Variants in ACVR2A observed in about 807,000 individuals in gnomAD.
ACVR2A encodes the protein activin A receptor type 2A.
A neutral mutation model predicts 61.4 loss-of-function variants in ACVR2A; 7 were observed. The ratio of observed to expected loss-of-function variants is 0.11; its 90% CI spans 0.06 to 0.21. The LOEUF (loss-of-function observed/expected upper bound fraction) is 0.21, where lower values mean the gene tolerates loss of function less well. Ranked by LOEUF, ACVR2A falls within the 10% of genes least tolerant of loss-of-function variation. ACVR2A has a pLI of 1.00. For missense variants in ACVR2A, 322 were observed against 621.7 expected (o/e 0.52, Z 5.13); for synonymous variants, 193 against 208.3 (o/e 0.93, Z 0.63).
At chr2:147,895,491 T>C (rs2105189102) in intron 1 of ACVR2A, among the ~76,000 whole-genome samples, 1 of 152,230 alleles carries the variant, frequency 6.6e-6, no homozygotes, top group Non-Finnish European at 1.5e-5. Flanking sequence ...GAATAACACC[T>C]TGGGACCCAT....
chr2:147,915,621 A>G (rs1687230373), intron 5 of ACVR2A, among the ~76,000 whole-genome samples: 1 of 151,958 alleles, frequency 6.6e-6, no homozygotes, highest in Non-Finnish European at 1.5e-5. Context: ...ATTCCAATAA[A>G]CAAGTCTAAT....
At chr2:147,891,185 T>C (rs757150813) in intron 1 of ACVR2A, among the ~76,000 whole-genome samples, 1 of 152,200 alleles carries the variant, frequency 6.6e-6, no homozygotes, top group Non-Finnish European at 1.5e-5. Flanking sequence ...TAACGCTGAT[T>C]GGAATTGACT....
rs1553447750 is a variant in ACVR2A at position 147,929,916 on chromosome 2, G to GT, written c.*2643dup. ...CTCTTTACCTTGCCCAGATCTCCGC[G>GT]TAAGGAATGCTTTATGATCAACTTG... On this transcript the variant is annotated 3_prime_UTR_variant, in exon 11 of 11. Coordinates refer to ENST00000241416, the MANE Select transcript of ACVR2A (RefSeq NM_001616.5). The GT allele has an allele frequency of 2.6e-5, 4 of 152,400 alleles. No individual in the cohort carries two copies. The highest frequency in any genetic ancestry group is 1.5e-5 in the Non-Finnish European group (1 of 68,014). The allele number at this position is 152,400 out of a possible 1,614,324, so 9.4% of individuals were successfully genotyped here. A position where few individuals can be genotyped will look rare whatever the true frequency, so the allele number is the denominator to read the frequency against.
At chr2:147,873,452 C>G (rs537012709) in intron 1 of ACVR2A, among the ~76,000 whole-genome samples, 1 of 152,024 alleles carries the variant, frequency 6.6e-6, no homozygotes, top group South Asian at 2.1e-4. Flanking sequence ...TACGGCACAT[C>G]TCAATTCATA....
chr2:147,891,230 G>A (rs962990663), intron 1 of ACVR2A, among the ~76,000 whole-genome samples: 1 of 152,142 alleles, frequency 6.6e-6, no homozygotes, highest in African/African-American at 2.4e-5. Context: ...TTTTGCTCTA[G>A]GCAGTGTTCA....
intron 4 of ACVR2A, among the ~76,000 whole-genome samples, chr2:147,901,917 A>G (rs1462326092): frequency 6.6e-6 from 1 of 152,016 alleles, no homozygotes; most frequent in Admixed American, 6.6e-5. Flanking sequence ...CTGCAAGACC[A>G]CTTCGTGGCC....
intron 1 of ACVR2A, among the ~76,000 whole-genome samples, chr2:147,884,036 T>A (rs2105174574): frequency 6.6e-6 from 1 of 152,318 alleles, no homozygotes; most frequent in Non-Finnish European, 1.5e-5. Context: ...TTAGGTTGGT[T>A]TTTGCAGGAA....
chr2:147,888,861 G>A (rs13339769), intron 1 of ACVR2A, among the ~76,000 whole-genome samples: 1,667 of 152,092 alleles, frequency 0.011, 40 homozygotes, highest in African/African-American at 0.038. Flanking sequence ...AGAGTGTTGA[G>A]AGTGAAATTG....
intron 1 of ACVR2A, among the ~76,000 whole-genome samples, chr2:147,860,064 T>C (rs1341061293): frequency 1.3e-5 from 2 of 152,106 alleles, no homozygotes; most frequent in African/African-American, 2.4e-5. Flanking sequence ...CTGAAAGGTG[T>C]GAAGAGAATG....
At chr2:147,875,877 A>T (rs559519892) in intron 1 of ACVR2A, among the ~76,000 whole-genome samples, 1 of 152,116 alleles carries the variant, frequency 6.6e-6, no homozygotes, top group Admixed American at 6.6e-5. Context: ...AAAAAGGAAG[A>T]TCATAGGACA....
chr2:147,862,224 G>T (rs544458514), intron 1 of ACVR2A, among the ~76,000 whole-genome samples: 1 of 151,948 alleles, frequency 6.6e-6, no homozygotes, highest in South Asian at 2.1e-4. Context: ...AGTCTGGGGA[G>T]CCAGAAGTAG....
intron 1 of ACVR2A, among the ~76,000 whole-genome samples, chr2:147,865,266 T>C (rs1043706400): frequency 1.3e-5 from 2 of 152,202 alleles, no homozygotes; most frequent in African/African-American, 2.4e-5. Flanking sequence ...ACCGTCCAGT[T>C]TCTTCAAATG....
intron 4 of ACVR2A, among the ~76,000 whole-genome samples, chr2:147,912,377 C>A (rs933552149): frequency 6.6e-6 from 1 of 151,890 alleles, no homozygotes; most frequent in African/African-American, 2.4e-5. Context: ...TGTAAGAGAA[C>A]TGGAAATTTA....
At chr2:147,865,716 G>T in intron 1 of ACVR2A, among the ~76,000 whole-genome samples, 1 of 152,152 alleles carries the variant, frequency 6.6e-6, no homozygotes, top group East Asian at 1.9e-4. Context: ...TAGTCATCTA[G>T]TAAATGTTAA....
intron 1 of ACVR2A, among the ~76,000 whole-genome samples, chr2:147,865,066 A>T (rs1409218470): frequency 6.6e-6 from 1 of 151,696 alleles, no homozygotes; most frequent in Non-Finnish European, 1.5e-5. Context: ...TAGGTTAGGG[A>T]TGCATTTCAG....
chr2:147,848,832 A>G (rs1163262876), intron 1 of ACVR2A, among the ~76,000 whole-genome samples: 1 of 151,860 alleles, frequency 6.6e-6, no homozygotes, highest in Non-Finnish European at 1.5e-5. Flanking sequence ...AAAAGGAAAA[A>G]CTCAGTTCTA....
At chr2:147,925,072 G>A (rs909695590) in intron 9 of ACVR2A, among the ~76,000 whole-genome samples, 2 of 151,974 alleles carry the variant, frequency 1.3e-5, no homozygotes, top group African/African-American at 4.8e-5. Flanking sequence ...TTGTGTTTAT[G>A]CACACATACA....
chr2:147,860,888 A>C (rs1180490884), intron 1 of ACVR2A, among the ~76,000 whole-genome samples: 1 of 152,218 alleles, frequency 6.6e-6, no homozygotes, highest in African/African-American at 2.4e-5. Flanking sequence ...AGTATTGCTT[A>C]CCATTCTGTA....
chr2:147,856,924 T>C (rs1228354094), intron 1 of ACVR2A, among the ~76,000 whole-genome samples: 1 of 152,216 alleles, frequency 6.6e-6, no homozygotes, highest in African/African-American at 2.4e-5. Context: ...AATTAATTGC[T>C]AATTGTAGTT....
Sources: gnomAD v4.1 joint callset for allele counts (sites outside exome capture counted in the v4.1 genomes callset) on GRCh38, gnomAD v4.1.1 for gene constraint, MANE v1.5 for transcripts, NCBI Gene and HGNC (gene_info 2026-07-23, HGNC 2026-07-21) for gene names.